MTTP: variants seen among roughly 807,000 people sequenced by gnomAD.
MTTP encodes microsomal triglyceride transfer protein large subunit.
In MTTP, 49 loss-of-function variants were observed where a neutral mutation model predicts 90.6. That is an observed-to-expected ratio of 0.54 (90% CI 0.43 to 0.69). The LOEUF (loss-of-function observed/expected upper bound fraction) is 0.69, where lower values mean the gene tolerates loss of function less well. Ranked by LOEUF, MTTP falls within the 30% of genes least tolerant of loss-of-function variation. The pLI, the probability that MTTP is intolerant of heterozygous loss-of-function variation, is 0.00. For missense variants in MTTP, 945 were observed against 1,067.5 expected, an observed-to-expected ratio of 0.89 and a Z score of 1.60; for synonymous variants, 347 against 384.2, an observed-to-expected ratio of 0.90 and a Z score of 1.13.
chr4:99,621,656 G>A (rs115217151), intron 17 of MTTP, among the ~76,000 whole-genome samples: 2,454 of 152,198 alleles, frequency 0.016, 37 homozygotes, highest in Non-Finnish European at 0.026. Context: ...AAATGAATTC[G>A]CAATTTTTAA....
chr4:99,603,492 A>G (rs1436328054), intron 10 of MTTP, among the ~76,000 whole-genome samples: 2 of 152,114 alleles, frequency 1.3e-5, no homozygotes, highest in Admixed American at 1.3e-4. Flanking sequence ...GGTCTGAATT[A>G]ATGTAGGGGC....
intron 15 of MTTP, among the ~76,000 whole-genome samples, chr4:99,616,437 C>T (rs1726101695): frequency 6.6e-6 from 1 of 152,080 alleles, no homozygotes; most frequent in Non-Finnish European, 1.5e-5. Context: ...ACCCTAGAGA[C>T]AATTGGAGTG....
chr4:99,612,176 AC>A (rs1363050967), intron 14 of MTTP, among the ~76,000 whole-genome samples: 1 of 152,162 alleles, frequency 6.6e-6, no homozygotes, highest in Non-Finnish European at 1.5e-5. Flanking sequence ...ATATTACTAT[AC>A]CTTTTGGTAG....
chr4:99,584,887 T>C (rs1449361093), intron 3 of MTTP, among the ~76,000 whole-genome samples: 2 of 152,126 alleles, frequency 1.3e-5, no homozygotes, highest in Non-Finnish European at 2.9e-5. Flanking sequence ...GCACCCAGAA[T>C]TATGCCTTGC....
At chr4:99,606,643 T>C in intron 10 of MTTP, 105 bp from the exon 11 acceptor site, 1 of 1,134,144 alleles carries the variant, frequency 8.8e-7, no homozygotes, top group Non-Finnish European at 1.3e-6. Context: ...TGCAAAACTT[T>C]GTAAAACTGT....
upstream of MTTP, among the ~76,000 whole-genome samples, chr4:99,570,336 T>A (rs1192217254): frequency 4.6e-5 from 7 of 152,042 alleles, no homozygotes; most frequent in Non-Finnish European, 1.0e-4. Context: ...AACATTCTAA[T>A]GTCTCCTAAT....
chr4:99,615,950 T>C (rs1726088074), intron 15 of MTTP, among the ~76,000 whole-genome samples: 1 of 152,210 alleles, frequency 6.6e-6, no homozygotes, highest in African/African-American at 2.4e-5. Flanking sequence ...TCTAAATAAA[T>C]ATGCACTCTG....
intron 3 of MTTP, chr4:99,583,912 A>C: frequency 6.4e-6 from 2 of 312,588 alleles, no homozygotes; most frequent in Non-Finnish European, 1.2e-5. Context: ...GATCCAACTG[A>C]GATTAGTAAT....
At chr4:99,584,680 A>G (rs1725214593) in intron 3 of MTTP, among the ~76,000 whole-genome samples, 1 of 152,112 alleles carries the variant, frequency 6.6e-6, no homozygotes, top group South Asian at 2.1e-4. Flanking sequence ...ATACCCTTCC[A>G]GCCAGCTGGA....
Position 99,601,734 on chromosome 4 carries a change from C to T in MTTP, c.1344+20C>T, listed in dbSNP as rs756210000. The T allele has an allele frequency of 6.6e-7, 1 of 1,525,316 alleles. No homozygotes were observed. Among genetic ancestry groups the T allele is most frequent in the East Asian group, 2.3e-5 (1 of 44,324 alleles). The allele number at this position is 1,525,316 out of a possible 1,614,324, so 94.5% of individuals were successfully genotyped here. A position where few individuals can be genotyped will look rare whatever the true frequency, so the allele number is the denominator to read the frequency against. On this transcript the variant is annotated intron_variant, in intron 10 of 17. Coordinates refer to ENST00000265517, the MANE Select transcript of MTTP (RefSeq NM_001386140.1). ...CTCAAAGTAAGTGCAAATCCAATCT[C>T]ATGTATTACATCATTCTACACCATT...
chr4:99,582,179 C>G (rs1725136955), intron 2 of MTTP, 87 bp downstream of exon 2: 1 of 1,348,026 alleles, frequency 7.4e-7, no homozygotes. Flanking sequence ...GTATTGGGTT[C>G]CCGTTTATAA....
At chr4:99,568,057 TAAA>T (rs1199426033) in intron 1 of MTTP, among the ~76,000 whole-genome samples, 2 of 151,700 alleles carry the variant, frequency 1.3e-5, no homozygotes, top group Non-Finnish European at 2.9e-5. Flanking sequence ...GAGAACCACA[TAAA>T]AATGAAAATG....
At position 99,621,134 on chromosome 4, in the gene MTTP, GA is replaced by G. The variant is rs1302603629; in HGVS notation, c.2419del (p.Thr807GlnfsTer19). ...GAAAGCTGGCCTGGAAACCAGTACAGAAACAGAAGCAGGCTTGGAGTTTATC... is the reference window on the plus strand; with the variant it reads ...GAAAGCTGGCCTGGAAACCAGTACAGAACAGAAGCAGGCTTGGAGTTTATC... Reference protein sequence around the residue: ...FVKAGLETSTETEAGLEFIST... With the variant: ...FVKAGLETSTXTEAGLEFIST... On this transcript the variant is annotated frameshift_variant, in exon 17 of 18. Coordinates refer to ENST00000265517, the MANE Select transcript of MTTP (RefSeq NM_001386140.1). LOFTEE classifies it high-confidence loss of function. 1.2e-6 allele frequency: 2 copies of G among 1,614,108 alleles called. No individual in the cohort carries two copies. The highest frequency in any genetic ancestry group is 2.2e-5 in the South Asian group (2 of 91,086).
intron 2 of MTTP, 41 bp from the exon 3 acceptor site, chr4:99,583,333 A>G: frequency 1.9e-6 from 3 of 1,605,582 alleles, no homozygotes; most frequent in East Asian, 2.2e-5. Context: ...GAAGACAGAT[A>G]TAGGAAGTTT....
At chr4:99,574,676 A>G, upstream of MTTP, 1 of 906,628 alleles carries the variant, frequency 1.1e-6, no homozygotes, top group Non-Finnish European at 1.7e-6. Context: ...GAAAAAAATT[A>G]AAAAGAGTGA....
chr4:99,564,237 T>A, exon 1 of MTTP: 2 of 1,535,600 alleles, frequency 1.3e-6, no homozygotes. Flanking sequence ...CATATATTCT[T>A]GTGAGTATTG....
rs200245810 is a variant in MTTP, at chr4:99,578,618, C to A, written c.62-3287C>A. ...AGTCAAAAATTGATTTATTATATGGCCAGTAAAGTAGAGGTAAGAAAAGAA... is the reference window on the plus strand; with the variant it reads ...AGTCAAAAATTGATTTATTATATGGACAGTAAAGTAGAGGTAAGAAAAGAA... On this transcript the variant is annotated intron_variant, in intron 1 of 17. Transcript: ENST00000265517. 2.0e-5 allele frequency among the ~76,000 whole-genome samples: 3 copies of A among 152,134 alleles called. No individual in the cohort carries two copies. The East Asian group carries it at 5.8e-4, about 29-fold the overall frequency.
chr4:99,598,999 CT>C (rs1725631578), intron 8 of MTTP, among the ~76,000 whole-genome samples: 1 of 152,140 alleles, frequency 6.6e-6, no homozygotes, highest in Non-Finnish European at 1.5e-5. Flanking sequence ...CTGAGCCTCA[CT>C]TTCAACATCT....
intron 1 of MTTP, 107 bp from the exon 2 acceptor site, chr4:99,581,798 T>A: frequency 2.6e-6 from 3 of 1,135,652 alleles, no homozygotes. Context: ...AATCAGCGAA[T>A]ATTTACCAAG....
Sources: allele counts gnomAD v4.1 joint callset (sites outside exome capture counted in the v4.1 genomes callset), GRCh38; gene constraint gnomAD v4.1.1; transcripts MANE v1.5; gene names NCBI Gene and HGNC (gene_info 2026-07-23, HGNC 2026-07-21).